Variants in SDK1 observed in about 807,000 individuals in gnomAD.
SDK1 encodes the protein sidekick cell adhesion molecule 1, also known as protein sidekick-1.
In SDK1, 157 loss-of-function variants were observed where a neutral mutation model predicts 245.5. The ratio of observed to expected loss-of-function variants is 0.64; its 90% CI spans 0.56 to 0.73. The LOEUF (loss-of-function observed/expected upper bound fraction) is 0.73, where lower values mean the gene tolerates loss of function less well. SDK1 is among the 30% of genes least tolerant of loss of function. SDK1 has a pLI of 0.00. For synonymous variants in SDK1, 1,647 were observed against 1,278.5 expected (o/e 1.29, Z -6.15); for missense variants, 3,583 against 3,002.3 (o/e 1.19, Z -4.52).
chr7:3,881,977 T>G (rs1472643748), intron 5 of SDK1, among the ~76,000 whole-genome samples: 1 of 152,038 alleles, frequency 6.6e-6, no homozygotes, highest in Non-Finnish European at 1.5e-5. Context: ...CTGGGTAATT[T>G]ATAAAGAAAA....
chr7:3,958,924 T>C lies in SDK1; in HGVS notation c.1151-7T>C, dbSNP rs745771879. 1 of 1,611,736 alleles carries C rather than the reference T, an allele frequency of 6.2e-7. No individual in the cohort carries two copies. ...TTAGGGGCTTTTTTTTATTTTCTTGTTTGAAGAGCCACCATATTTTACTGC... is the reference window on the plus strand; with the variant it reads ...TTAGGGGCTTTTTTTTATTTTCTTGCTTGAAGAGCCACCATATTTTACTGC... On this transcript the variant is annotated splice_region_variant and splice_polypyrimidine_tract_variant and intron_variant, in intron 7 of 44. Coordinates refer to ENST00000404826, the MANE Select transcript of SDK1 (RefSeq NM_152744.4).
At chr7:3,453,055 C>T (rs544607474) in intron 1 of SDK1, among the ~76,000 whole-genome samples, 2 of 152,290 alleles carry the variant, frequency 1.3e-5, no homozygotes, top group East Asian at 1.9e-4. Context: ...CCTGCTACCA[C>T]GATAGAGTGG....
chr7:3,345,731 T>A (rs1198561815), intron 1 of SDK1, among the ~76,000 whole-genome samples: 2 of 152,210 alleles, frequency 1.3e-5, no homozygotes, highest in African/African-American at 2.4e-5. Context: ...CTTTCCTGTT[T>A]CAGTGCTTCT....
At chr7:3,935,588 A>G (rs186644012) in intron 5 of SDK1, among the ~76,000 whole-genome samples, 26 of 152,346 alleles carry the variant, frequency 1.7e-4, no homozygotes, top group Admixed American at 3.9e-4. Flanking sequence ...CATTTCTCCA[A>G]AGAAGAGATA....
chr7:3,412,360 C>T (rs1424604953), intron 1 of SDK1, among the ~76,000 whole-genome samples: 2 of 152,126 alleles, frequency 1.3e-5, no homozygotes, highest in Non-Finnish European at 2.9e-5. Context: ...TGTATATATT[C>T]TTCTGCACCT....
intron 7 of SDK1, among the ~76,000 whole-genome samples, chr7:3,958,713 T>C (rs1256474214): frequency 6.6e-6 from 1 of 152,202 alleles, no homozygotes; most frequent in Non-Finnish European, 1.5e-5. Flanking sequence ...AACTGAAAAG[T>C]AGCCATCACC....
At chr7:3,480,737 C>T (rs925712337) in intron 1 of SDK1, among the ~76,000 whole-genome samples, 2 of 152,186 alleles carry the variant, frequency 1.3e-5, no homozygotes, top group Non-Finnish European at 2.9e-5. Context: ...GCCAGTCTCT[C>T]GTTTATTTTA....
chr7:3,792,200 T>G (rs923532481), intron 4 of SDK1, among the ~76,000 whole-genome samples: 3 of 152,020 alleles, frequency 2.0e-5, no homozygotes, highest in Admixed American at 2.0e-4. Flanking sequence ...ACTGCCTGGC[T>G]CCAGACCATT....
At chr7:3,465,047 T>A (rs578133393) in intron 1 of SDK1, among the ~76,000 whole-genome samples, 1 of 152,238 alleles carries the variant, frequency 6.6e-6, no homozygotes, top group African/African-American at 2.4e-5. Flanking sequence ...GGGCACAAAC[T>A]CTTACAGATG....
rs372232634 is a variant in SDK1, at chr7:3,403,907, A to G, written c.298+102023A>G. On this transcript the variant is annotated intron_variant, in intron 1 of 44. Coordinates refer to ENST00000404826, the MANE Select transcript of SDK1 (RefSeq NM_152744.4). ...ATTTATATTATATATATATTTATTTATTCCATATACAGGCATACCTTGGAG... is the reference window on the plus strand; with the variant it reads ...ATTTATATTATATATATATTTATTTGTTCCATATACAGGCATACCTTGGAG... 3.0e-5 allele frequency among the ~76,000 whole-genome samples: 4 copies of G among 132,112 alleles called. No individual in the cohort carries two copies. In the South Asian group the frequency reaches 9.5e-4, roughly 31 times the overall value. 86.7% of individuals were successfully genotyped at this position (132,112 alleles called of 152,430 possible). A position where few individuals can be genotyped will look rare whatever the true frequency, so the allele number is the denominator to read the frequency against.
intron 35 of SDK1, among the ~76,000 whole-genome samples, chr7:4,188,079 C>T (rs1175323940): frequency 6.6e-6 from 1 of 152,182 alleles, no homozygotes. Flanking sequence ...AAACCACTCC[C>T]ATGATTCAAT....
chr7:3,878,941 A>AT (rs1382972417), intron 5 of SDK1, among the ~76,000 whole-genome samples: 4 of 152,184 alleles, frequency 2.6e-5, no homozygotes, highest in African/African-American at 9.7e-5. Flanking sequence ...TCAGGTCAAG[A>AT]TAAAAAAAAA....
At chr7:3,322,843 T>G (rs139175085) in intron 1 of SDK1, among the ~76,000 whole-genome samples, 1 of 152,244 alleles carries the variant, frequency 6.6e-6, no homozygotes, top group Admixed American at 6.5e-5. Flanking sequence ...TGTCTCTGTC[T>G]CTGTCGCCCA....
At chr7:3,376,813 A>C (rs1395558903) in intron 1 of SDK1, among the ~76,000 whole-genome samples, 1 of 152,016 alleles carries the variant, frequency 6.6e-6, no homozygotes, top group African/African-American at 2.4e-5. Flanking sequence ...AAAAATCCCG[A>C]ATTTCAAAAA....
intron 16 of SDK1, among the ~76,000 whole-genome samples, chr7:4,015,693 T>C (rs900480184): frequency 2.0e-5 from 3 of 152,156 alleles, no homozygotes; most frequent in African/African-American, 4.8e-5. Flanking sequence ...GTTTGATAAC[T>C]TGACTTTCAT....
intron 28 of SDK1, among the ~76,000 whole-genome samples, chr7:4,143,140 G>T (rs1335157606): frequency 1.3e-5 from 2 of 152,184 alleles, no homozygotes; most frequent in South Asian, 2.1e-4. Flanking sequence ...GGCCATGTCT[G>T]TTCTGGGCCC....
chr7:3,336,243 G>C (rs1780196895), intron 1 of SDK1, among the ~76,000 whole-genome samples: 1 of 152,186 alleles, frequency 6.6e-6, no homozygotes, highest in Non-Finnish European at 1.5e-5. Flanking sequence ...CCCACCCAGA[G>C]GCTGAAGGCA....
chr7:3,695,042 CAT>C (rs1009763946), intron 4 of SDK1, among the ~76,000 whole-genome samples: 8 of 152,078 alleles, frequency 5.3e-5, no homozygotes, highest in African/African-American at 1.9e-4. Flanking sequence ...CATTGGGAAA[CAT>C]ATTAGAGACT....
At chr7:4,089,557 C>T (rs912976081) in intron 22 of SDK1, among the ~76,000 whole-genome samples, 5 of 152,184 alleles carry the variant, frequency 3.3e-5, no homozygotes, top group African/African-American at 9.7e-5. Flanking sequence ...CGTGGGCTTG[C>T]CCCTTCCCCA....
Sources: allele counts gnomAD v4.1 joint callset (sites outside exome capture counted in the v4.1 genomes callset), GRCh38; gene constraint gnomAD v4.1.1; transcripts MANE v1.5; gene names NCBI Gene and HGNC (gene_info 2026-07-23, HGNC 2026-07-21).